Variants in SEL1L observed in about 807,000 individuals in gnomAD.
The protein encoded by SEL1L is SEL1L adaptor subunit of SYVN1 ubiquitin ligase, also known as protein sel-1 homolog 1.
A neutral mutation model predicts 109.8 loss-of-function variants in SEL1L; 52 were observed. The ratio of observed to expected loss-of-function variants is 0.47; its 90% CI spans 0.38 to 0.60. The LOEUF is 0.60. SEL1L is among the 20% of genes least tolerant of loss of function. SEL1L has a pLI of 0.00. For missense variants in SEL1L, 749 were observed against 962.2 expected, an observed-to-expected ratio of 0.78 and a Z score of 2.93; for synonymous variants, 373 against 339.6, an observed-to-expected ratio of 1.10 and a Z score of -1.08.
intron 3 of SEL1L, among the ~76,000 whole-genome samples, chr14:81,514,156 A>G (rs1884602573): frequency 1.3e-5 from 2 of 152,252 alleles, no homozygotes; most frequent in South Asian, 4.1e-4. Flanking sequence ...CCAGAAAGAC[A>G]CAATTTTTGC....
chr14:81,512,869 A>AT (rs1422792764), intron 3 of SEL1L, among the ~76,000 whole-genome samples: 11 of 152,230 alleles, frequency 7.2e-5, no homozygotes, highest in East Asian at 5.8e-4. Context: ...TATGCAGAAA[A>AT]CAGTTAACAC....
At chr14:81,489,091 T>C (rs2139996615) in intron 14 of SEL1L, 161 bp downstream of exon 14, 1 of 682,342 alleles carries the variant, frequency 1.5e-6, no homozygotes, top group East Asian at 2.7e-5. Flanking sequence ...GTCTGTCGGG[T>C]ATGGGGTGGT....
chr14:81,502,802 A>T lies in SEL1L; in HGVS notation c.696T>A (p.Gly232=). 6.2e-7 allele frequency: 1 copy of T among 1,614,152 alleles called. No homozygotes were observed. Among genetic ancestry groups the T allele is most frequent in the Middle Eastern group, 1.6e-4 (1 of 6,062 alleles). ...CCTGGATATTCTGTGGCAAGTAATC[A>T]CCAAATAAAAGAGCATATGACACTC... ...LERVSYALLF[G]DYLPQNIQAA... is the part of the protein sequence containing the mutation. The change falls in exon 6 of 21, where the codon GGT becomes GGA. Residue 232 remains glycine, a synonymous_variant. Coordinates refer to ENST00000336735, the MANE Select transcript of SEL1L (RefSeq NM_005065.6).
intron 3 of SEL1L, among the ~76,000 whole-genome samples, chr14:81,522,069 T>C (rs572935908): frequency 1.3e-5 from 2 of 152,120 alleles, no homozygotes; most frequent in African/African-American, 4.8e-5. Flanking sequence ...GGATAATATA[T>C]AAAGAAAATA....
intron 12 of SEL1L, 134 bp from the exon 13 acceptor site, chr14:81,490,599 AT>A: frequency 1.4e-6 from 1 of 697,830 alleles, no homozygotes; most frequent in Non-Finnish European, 2.4e-6. Context: ...CCCACAGGAT[AT>A]TTTAGAATTA....
In SEL1L at chr14:81,527,743, A is replaced by C; in HGVS notation, c.71-5T>G. 6.3e-7 allele frequency: 1 copy of C among 1,598,720 alleles called. No homozygotes were observed. The highest frequency in any genetic ancestry group is 8.5e-7 in the Non-Finnish European group (1 of 1,170,424). ...CATCCTGGCTGCCTTCTTCATCTGC[A>C]AAGAAATTTTAAGACAATTTAGTAA... is the stretch of plus-strand genomic sequence containing the variant. On this transcript the variant is annotated splice_polypyrimidine_tract_variant and splice_region_variant and intron_variant, in intron 1 of 20. Transcript: ENST00000336735.
In SEL1L at chr14:81,474,852, T is replaced by C. The variant is rs1903110436; in HGVS notation, c.*2120A>G. 1.3e-5 allele frequency: 2 copies of C among 152,210 alleles called. No individual in the cohort carries two copies. The highest frequency in any genetic ancestry group is 1.3e-4 in the Admixed American group (2 of 15,280). 9.4% of individuals were successfully genotyped at this position (152,210 alleles called of 1,614,324 possible). On this transcript the variant is annotated 3_prime_UTR_variant, in exon 21 of 21. Transcript: ENST00000336735. Reference sequence around the variant, plus strand: ...AACTAATAAGAAGTGTGTTTTTATATGAACAACAAGACTGCACTTTCCCAT... The same window carrying C: ...AACTAATAAGAAGTGTGTTTTTATACGAACAACAAGACTGCACTTTCCCAT...
intron 3 of SEL1L, among the ~76,000 whole-genome samples, chr14:81,521,001 A>C (rs759173246): frequency 3.3e-5 from 5 of 152,044 alleles, no homozygotes; most frequent in Non-Finnish European, 7.4e-5. Context: ...GCAGTCACAG[A>C]CTTCTCTACA....
chr14:81,528,708 T>C (rs1885209705), intron 1 of SEL1L, among the ~76,000 whole-genome samples: 3 of 152,180 alleles, frequency 2.0e-5, no homozygotes, highest in African/African-American at 7.2e-5. Flanking sequence ...CTCCATAAGC[T>C]GTATGAGAAA....
chr14:81,499,887 T>A (rs563299721), intron 6 of SEL1L, among the ~76,000 whole-genome samples: 85 of 151,292 alleles, frequency 5.6e-4, no homozygotes, highest in African/African-American at 1.3e-3. Flanking sequence ...TTAAAAAAAA[T>A]TTTATTTATT....
chr14:81,506,012 C>T, intron 4 of SEL1L, 62 bp downstream of exon 4: 2 of 1,515,840 alleles, frequency 1.3e-6, no homozygotes, highest in South Asian at 2.5e-5. Flanking sequence ...AGAAAAAGGC[C>T]TTAAAAACAT....
At chr14:81,477,796 G>C (rs1015606918) in intron 20 of SEL1L, among the ~76,000 whole-genome samples, 4 of 152,156 alleles carry the variant, frequency 2.6e-5, no homozygotes, top group Admixed American at 6.6e-5. Flanking sequence ...CTGGGCGACA[G>C]AGCAAGACTC....
chr14:81,521,248 A>T (rs545555357), intron 3 of SEL1L, among the ~76,000 whole-genome samples: 1 of 152,340 alleles, frequency 6.6e-6, no homozygotes, highest in South Asian at 2.1e-4. Flanking sequence ...TGCTTATATT[A>T]TCTAACCCAC....
At chr14:81,499,189 T>A in intron 8 of SEL1L, 3 of 1,165,894 alleles carry the variant, frequency 2.6e-6, no homozygotes, top group Non-Finnish European at 3.2e-6. Context: ...TCAGAGAAAA[T>A]TTAAAAAGAG....
intron 4 of SEL1L, among the ~76,000 whole-genome samples, chr14:81,504,904 A>G (rs999384056): frequency 1.3e-5 from 2 of 151,442 alleles, no homozygotes; most frequent in South Asian, 4.2e-4. Context: ...TCATATGGTA[A>G]GTTTCCTGAG....
chr14:81,510,916 C>A (rs879879814), intron 3 of SEL1L, among the ~76,000 whole-genome samples: 1 of 151,670 alleles, frequency 6.6e-6, no homozygotes, highest in Non-Finnish European at 1.5e-5. Context: ...CGATTGTCAC[C>A]AAAAAAAATC....
intron 3 of SEL1L, among the ~76,000 whole-genome samples, chr14:81,519,338 C>A (rs971513809): frequency 6.6e-6 from 1 of 152,198 alleles, no homozygotes; most frequent in African/African-American, 2.4e-5. Flanking sequence ...GTGAACACAA[C>A]TCTACACTGA....
intron 12 of SEL1L, among the ~76,000 whole-genome samples, chr14:81,491,067 C>A (rs571551275): frequency 1.5e-4 from 23 of 152,114 alleles, no homozygotes; most frequent in Admixed American, 1.0e-3. Context: ...ATCTTTAAGC[C>A]CAACATGAAT....
intron 10 of SEL1L, 120 bp downstream of exon 10, chr14:81,497,772 G>C: frequency 1.2e-6 from 1 of 851,802 alleles, no homozygotes; most frequent in South Asian, 1.9e-5. Context: ...CTAATATGTA[G>C]TTCATAATTG....
Sources: allele counts gnomAD v4.1 joint callset (sites outside exome capture counted in the v4.1 genomes callset), GRCh38; gene constraint gnomAD v4.1.1; transcripts MANE v1.5; gene names NCBI Gene and HGNC (gene_info 2026-07-23, HGNC 2026-07-21).